The following PKP2 variants were observed in gnomAD, a reference collection of about 807,000 sequenced individuals.
The protein encoded by PKP2 is plakophilin 2.
Under a neutral mutation model 83.4 loss-of-function variants are expected in PKP2, and 73 were observed. That is an observed-to-expected ratio of 0.88 (90% CI 0.72 to 1.06). The LOEUF is 1.06. PKP2 is among the 50% of genes least tolerant of loss of function. The pLI is 0.00. For synonymous variants in PKP2, 409 were observed against 430.4 expected (o/e 0.95, Z 0.62); for missense variants, 966 against 1,065.4 (o/e 0.91, Z 1.30).
At chr12:32,845,546 C>T (rs1046107019) in intron 5 of PKP2, among the ~76,000 whole-genome samples, 13 of 151,766 alleles carry the variant, frequency 8.6e-5, no homozygotes, top group African/African-American at 2.7e-4. Context: ...AGCGAGACTC[C>T]GTCTCAAAAA....
intron 3 of PKP2, among the ~76,000 whole-genome samples, chr12:32,870,131 A>G (rs1328745998): frequency 6.6e-6 from 1 of 152,220 alleles, no homozygotes; most frequent in Non-Finnish European, 1.5e-5. Flanking sequence ...TCCAGGTAAC[A>G]TTCCAGACAC....
At chr12:32,799,839 C>T (rs893490621) in intron 10 of PKP2, among the ~76,000 whole-genome samples, 6 of 152,130 alleles carry the variant, frequency 3.9e-5, no homozygotes, top group Admixed American at 1.3e-4. Flanking sequence ...GTGTACACTG[C>T]TCAGGTGACA....
chr12:32,852,086 C>T (rs532806871), intron 4 of PKP2, among the ~76,000 whole-genome samples: 1 of 152,324 alleles, frequency 6.6e-6, no homozygotes, highest in South Asian at 2.1e-4. Context: ...AGACTGAAGG[C>T]TTTCCTTCTC....
chr12:32,808,842 T>C (rs1345977907), intron 9 of PKP2, among the ~76,000 whole-genome samples: 2 of 152,108 alleles, frequency 1.3e-5, no homozygotes, highest in African/African-American at 4.8e-5. Flanking sequence ...TTCCTGTACT[T>C]GGAGGTATCA....
intron 4 of PKP2, among the ~76,000 whole-genome samples, chr12:32,857,965 C>T (rs12099507): frequency 0.27 from 39,006 of 145,866 alleles, 6,061 homozygotes; most frequent in African/African-American, 0.44. Flanking sequence ...TGGTGGCTCA[C>T]GCCTATAACG....
Position 32,868,966 on chromosome 12 carries a change from T to C in PKP2, c.1131A>G (p.Ile377Met). The C allele has an allele frequency of 6.2e-7, 1 of 1,613,894 alleles. No homozygotes were observed. Among genetic ancestry groups the C allele is most frequent in the Non-Finnish European group, 8.5e-7 (1 of 1,179,982 alleles). ...CAGATTTCTGGAAGCACTCGTGCTGTATGAAAGTAGCTGCAGCAGAAATCC... is the reference window on the plus strand; with the variant it reads ...CAGATTTCTGGAAGCACTCGTGCTGCATGAAAGTAGCTGCAGCAGAAATCC... Reference protein sequence around the residue: ...PSRISAAATFIQHECFQKSEA... With the variant: ...PSRISAAATFMQHECFQKSEA... Residue 377 changes from isoleucine (I) to methionine (M), a missense_variant, in exon 4 of 13, where the codon ATA becomes ATG. By Grantham distance (10) the Ile-to-Met change is conservative (BLOSUM62 1). Coordinates refer to ENST00000340811, the MANE Select transcript of PKP2 (RefSeq NM_001005242.3).
chr12:32,821,719 T>G, intron 8 of PKP2, 190 bp from the exon 9 acceptor site: 1 of 589,090 alleles, frequency 1.7e-6, no homozygotes, highest in African/African-American at 1.9e-5. Context: ...ATAATGATTA[T>G]TTCTTCCTAA....
intron 9 of PKP2, among the ~76,000 whole-genome samples, chr12:32,811,663 T>C (rs10772004): frequency 0.38 from 58,120 of 152,060 alleles, 13,168 homozygotes; most frequent in Non-Finnish European, 0.52. Context: ...AAAATCTTCA[T>C]GTTTGGCTTT....
chr12:32,852,371 G>A (rs1215380305), intron 4 of PKP2, among the ~76,000 whole-genome samples: 1 of 152,072 alleles, frequency 6.6e-6, no homozygotes. Context: ...CAGGTAAATG[G>A]TATTTAGGAC....
At chr12:32,795,039 T>G (rs141983283) in intron 11 of PKP2, among the ~76,000 whole-genome samples, 2 of 152,332 alleles carry the variant, frequency 1.3e-5, no homozygotes, top group East Asian at 3.9e-4. Context: ...TGTTTGGTTA[T>G]TTACAAAAGT....
chr12:32,863,820 T>C (rs1468228582), intron 4 of PKP2, among the ~76,000 whole-genome samples: 1 of 152,234 alleles, frequency 6.6e-6, no homozygotes, highest in Non-Finnish European at 1.5e-5. Flanking sequence ...TCCCAGTTCA[T>C]TCTATGAGAC....
intron 1 of PKP2, among the ~76,000 whole-genome samples, chr12:32,891,022 ATAGT>A (rs996456363): frequency 1.3e-5 from 2 of 151,898 alleles, no homozygotes; most frequent in African/African-American, 4.8e-5. Flanking sequence ...AGAGCACTTG[ATAGT>A]TTGTTTAGTA....
intron 8 of PKP2, 36 bp from the exon 9 acceptor site, chr12:32,821,565 T>C: frequency 6.3e-7 from 1 of 1,596,540 alleles, no homozygotes; most frequent in Non-Finnish European, 8.6e-7. Flanking sequence ...AATTAATGCA[T>C]GTCAGGTGAT....
intron 6 of PKP2, among the ~76,000 whole-genome samples, chr12:32,833,214 G>A (rs1352896424): frequency 6.6e-6 from 1 of 152,210 alleles, no homozygotes; most frequent in Non-Finnish European, 1.5e-5. Flanking sequence ...CTGCACTCCA[G>A]CCAGGGTGAC....
At chr12:32,812,481 C>T (rs573456477) in intron 9 of PKP2, among the ~76,000 whole-genome samples, 5 of 152,100 alleles carry the variant, frequency 3.3e-5, no homozygotes, top group Admixed American at 2.6e-4. Context: ...TGGCAATTTA[C>T]ACACACTAAT....
chr12:32,792,939 A>G (rs1956085057), intron 11 of PKP2: 2 of 586,850 alleles, frequency 3.4e-6, no homozygotes, highest in Non-Finnish European at 6.1e-6. Context: ...TTAAACCACT[A>G]GCACAGTGCT....
At chr12:32,856,698 C>T (rs151272805) in intron 4 of PKP2, among the ~76,000 whole-genome samples, 192 of 151,240 alleles carry the variant, frequency 1.3e-3, no homozygotes, top group African/African-American at 4.5e-3. Context: ...CATATGTATA[C>T]ATATGTAACA....
chr12:32,871,619 C>G (rs1421795329), intron 3 of PKP2, among the ~76,000 whole-genome samples: 1 of 152,118 alleles, frequency 6.6e-6, no homozygotes, highest in Non-Finnish European at 1.5e-5. Flanking sequence ...GCACCCACCA[C>G]CACGCCCGGC....
intron 6 of PKP2, among the ~76,000 whole-genome samples, chr12:32,833,628 A>G (rs1956520258): frequency 6.6e-6 from 1 of 152,176 alleles, no homozygotes; most frequent in South Asian, 2.1e-4. Context: ...GAATTTAAAT[A>G]ATTTTAAGTA....
Sources: gnomAD v4.1 joint callset for allele counts (sites outside exome capture counted in the v4.1 genomes callset) on GRCh38, gnomAD v4.1.1 for gene constraint, MANE v1.5 for transcripts, NCBI Gene and HGNC (gene_info 2026-07-23, HGNC 2026-07-21) for gene names.